Variants in ENO4 observed in about 807,000 individuals in gnomAD.
ENO4 encodes the protein 2-phospho-D-glycerate hydro-lyase.
A neutral mutation model predicts 63.2 loss-of-function variants in ENO4; 53 were observed. The ratio of observed to expected loss-of-function variants is 0.84; its 90% confidence interval spans 0.67 to 1.05. The LOEUF is 1.05. ENO4 is among the 50% of genes least tolerant of loss of function. The probability of loss-of-function intolerance (pLI) is 0.00; values close to 1 mark genes in which losing one functional copy is unlikely to be tolerated. For synonymous variants in ENO4, 266 were observed against 283.8 expected (o/e 0.94, Z 0.63); for missense variants, 719 against 772.0 (o/e 0.93, Z 0.81).
At chr10:116,888,209 A>G (rs1847223100) in intron 10 of ENO4, among the ~76,000 whole-genome samples, 1 of 152,140 alleles carries the variant, frequency 6.6e-6, no homozygotes, top group South Asian at 2.1e-4. Flanking sequence ...GCACCATGAC[A>G]TTGTCCATCT....
downstream of ENO4, chr10:116,886,278 A>G (rs1847159598): frequency 3.2e-6 from 5 of 1,547,528 alleles, no homozygotes; most frequent in South Asian, 2.4e-5. Context: ...CCTTGCCAAT[A>G]TAACAACACT....
intron 10 of ENO4, 145 bp from the exon 11 acceptor site, chr10:116,875,920 G>A: frequency 1.8e-6 from 1 of 558,566 alleles, no homozygotes; most frequent in African/African-American, 1.9e-5. Context: ...CTGTGGTACA[G>A]GGTCATTCAG....
chr10:116,890,390 G>C (rs999490797), intron 10 of ENO4, among the ~76,000 whole-genome samples: 2 of 152,196 alleles, frequency 1.3e-5, no homozygotes, highest in African/African-American at 4.8e-5. Flanking sequence ...TCAGTTGTCA[G>C]ATGAAGTGTC....
At chr10:116,906,594 GAGA>G in intron 10 of ENO4, 1 of 1,580,842 alleles carries the variant, frequency 6.3e-7, no homozygotes, top group Non-Finnish European at 8.6e-7. Flanking sequence ...CAGAGATGAA[GAGA>G]AGGACTGTGG....
At chr10:116,894,346 G>A (rs1478302728) in intron 10 of ENO4, among the ~76,000 whole-genome samples, 2 of 152,082 alleles carry the variant, frequency 1.3e-5, no homozygotes, top group Non-Finnish European at 2.9e-5. Context: ...TGCCACATGG[G>A]TTTTTGTTTT....
At chr10:116,908,159 A>T (rs1848047351) in intron 10 of ENO4, among the ~76,000 whole-genome samples, 1 of 152,178 alleles carries the variant, frequency 6.6e-6, no homozygotes, top group Non-Finnish European at 1.5e-5. Flanking sequence ...GACTAACAAG[A>T]TTAGGAGATT....
intron 10 of ENO4, among the ~76,000 whole-genome samples, chr10:116,889,667 C>G (rs1434964529): frequency 6.6e-6 from 1 of 152,214 alleles, no homozygotes; most frequent in Non-Finnish European, 1.5e-5. Flanking sequence ...TCCTGTCTCC[C>G]TGTTTCTGCC....
chr10:116,878,778 TGTCGCCCAGAGCTGGA>T (rs1393350124), intron 11 of ENO4, among the ~76,000 whole-genome samples: 3 of 138,212 alleles, frequency 2.2e-5, no homozygotes, highest in Non-Finnish European at 4.6e-5. Context: ...AGTCTTGCTC[TGTCGCCCAGAGCTGGA>T]GTGCAGTGGC....
chr10:116,855,302 C>T (rs971824859), intron 1 of ENO4, among the ~76,000 whole-genome samples: 1 of 152,092 alleles, frequency 6.6e-6, no homozygotes, highest in Non-Finnish European at 1.5e-5. Flanking sequence ...TTGAAGAAGG[C>T]CTGCTAATCA....
At chr10:116,912,236 A>G (rs1210604112), downstream of ENO4, among the ~76,000 whole-genome samples, 1 of 152,224 alleles carries the variant, frequency 6.6e-6, no homozygotes, top group Non-Finnish European at 1.5e-5. Flanking sequence ...CAGCAAGCAG[A>G]GACTAGAAAC....
intron 7 of ENO4, among the ~76,000 whole-genome samples, chr10:116,864,799 C>T (rs567889489): frequency 6.6e-6 from 1 of 152,234 alleles, no homozygotes; most frequent in East Asian, 1.9e-4. Flanking sequence ...GCGGGCAAAT[C>T]ACTTGAGGTC....
intron 12 of ENO4, among the ~76,000 whole-genome samples, chr10:116,879,570 T>C (rs1248022690): frequency 6.6e-6 from 1 of 152,184 alleles, no homozygotes; most frequent in Non-Finnish European, 1.5e-5. Flanking sequence ...CACACTTAAA[T>C]GACTGGGGTG....
intron 10 of ENO4, among the ~76,000 whole-genome samples, chr10:116,898,062 T>C (rs1847584176): frequency 6.6e-6 from 1 of 152,224 alleles, no homozygotes; most frequent in Non-Finnish European, 1.5e-5. Context: ...GCGTGGTGGC[T>C]CATCCCTGTA....
rs1589768589 is a variant in ENO4, at chr10:116,881,627, A to G, written c.1836A>G (p.Gln612=). 6.5e-7 allele frequency: 1 copy of G among 1,549,592 alleles called. No individual in the cohort carries two copies. Among genetic ancestry groups the G allele is most frequent in the Non-Finnish European group, 8.7e-7 (1 of 1,146,532 alleles). ...REPLVPTFPT[Q]GVEESAETGA... Reference sequence around the variant, plus strand: ...CGCTGGTGCCCACCTTCCCCACACAAGGTGTAGAGGAATCAGCCGAAACAG... The same window carrying G: ...CGCTGGTGCCCACCTTCCCCACACAGGGTGTAGAGGAATCAGCCGAAACAG... The change falls in exon 14 of 14, where the codon CAA becomes CAG. Residue 612 remains glutamine (Q), a synonymous_variant. Coordinates refer to ENST00000341276, the MANE Select transcript of ENO4 (RefSeq NM_001242699.2).
In ENO4 at chr10:116,861,171, C is replaced by A; in HGVS notation, c.917C>A (p.Pro306His). The change falls in exon 6 of 14, where the codon CCT becomes CAT. Residue 306 changes from proline (P) to histidine (H), a missense_variant. By Grantham distance (77) the Pro-to-His change is moderately conservative. Transcript: ENST00000341276. ...LMKEVICIPH[P>H]ELTTKQGVEM... ...AAAGAAGTGATTTGTATACCCCATC[C>A]TGAATTAACAACCAAACAAGTACCT... 6.6e-7 allele frequency: 1 copy of A among 1,512,256 alleles called. No individual in the cohort carries two copies. The highest frequency in any genetic ancestry group is 8.9e-7 in the Non-Finnish European group (1 of 1,124,880). 93.7% of individuals were successfully genotyped at this position (1,512,256 alleles called of 1,614,324 possible). A position where few individuals can be genotyped will look rare whatever the true frequency, so the allele number is the denominator to read the frequency against.
chr10:116,851,485 C>T (rs918468862), intron 1 of ENO4, among the ~76,000 whole-genome samples: 4 of 152,246 alleles, frequency 2.6e-5, no homozygotes, highest in African/African-American at 7.2e-5. Flanking sequence ...CAGAGCGAGA[C>T]TCCGTCTCAA....
intron 2 of ENO4, 87 bp downstream of exon 2, chr10:116,855,838 T>C: frequency 2.2e-6 from 3 of 1,377,854 alleles, no homozygotes; most frequent in Non-Finnish European, 2.9e-6. Context: ...AAAATTATTG[T>C]TTTGAAATTC....
intron 1 of ENO4, among the ~76,000 whole-genome samples, chr10:116,853,433 A>C (rs1390651301): frequency 6.6e-6 from 1 of 152,192 alleles, no homozygotes; most frequent in Non-Finnish European, 1.5e-5. Flanking sequence ...GTTGAATGTA[A>C]TGACATAATG....
At chr10:116,878,095 C>G (rs1260533283) in intron 11 of ENO4, among the ~76,000 whole-genome samples, 1 of 152,246 alleles carries the variant, frequency 6.6e-6, no homozygotes, top group East Asian at 1.9e-4. Context: ...TATATTTCCT[C>G]TTTGTAATAC....
Sources: allele counts gnomAD v4.1 joint callset (sites outside exome capture counted in the v4.1 genomes callset), GRCh38; gene constraint gnomAD v4.1.1; transcripts MANE v1.5; gene names NCBI Gene and HGNC (gene_info 2026-07-23, HGNC 2026-07-21).